MMP9: variants seen among roughly 807,000 people sequenced by gnomAD.
MMP9 encodes matrix metalloproteinase-9.
A neutral mutation model predicts 76.4 loss-of-function variants in MMP9; 73 were observed. The ratio of observed to expected loss-of-function variants is 0.96; its 90% CI spans 0.79 to 1.16. The LOEUF is 1.16. MMP9 is among the 50% of genes most tolerant of loss of function. The pLI, the probability that MMP9 is intolerant of heterozygous loss-of-function variation, is 0.00. For missense variants in MMP9, 943 were observed against 973.0 expected (o/e 0.97, Z 0.41); for synonymous variants, 412 against 408.4 (o/e 1.01, Z -0.11).
chr20:46,013,689 G>A lies in MMP9; in HGVS notation c.1643G>A (p.Ser548Asn). 6.2e-7 allele frequency: 1 copy of A among 1,613,952 alleles called. No homozygotes were observed. Among genetic ancestry groups the A allele is most frequent in the Non-Finnish European group, 8.5e-7 (1 of 1,179,966 alleles). ...KYWRFSEGRG[S>N]RPQGPFLIAD... ...TGGCGATTCTCTGAGGGCAGGGGGA[G>A]CCGGCCGCAGGGCCCCTTCCTTATC... Residue 548 changes from serine (S) to asparagine (N), a missense_variant, in exon 10 of 13, where the codon AGC becomes AAC. Coordinates refer to ENST00000372330, the MANE Select transcript of MMP9 (RefSeq NM_004994.3). The surrounding 1 kb of genome is among the most constrained non-coding windows in gnomAD (Gnocchi z 4.5).
intron 10 of MMP9, 78 bp from the exon 11 acceptor site, chr20:46,014,046 C>G: frequency 6.6e-7 from 1 of 1,526,714 alleles, no homozygotes; most frequent in Middle Eastern, 2.3e-4. Context: ...AAGGCCTCGC[C>G]GGAATCTCCC....
chr20:46,011,590 C>T lies in MMP9; in HGVS notation c.840C>T (p.Asp280=), dbSNP rs45437897. Residue 280 remains aspartate, a synonymous_variant, in exon 6 of 13, where the codon GAC becomes GAT. Transcript: ENST00000372330. ...TCGCCCCAGGACTCTACACCCAGGACGGCAATGCTGATGGGAAACCCTGCC... is the reference window on the plus strand; with the variant it reads ...TCGCCCCAGGACTCTACACCCAGGATGGCAATGCTGATGGGAAACCCTGCC... ...FCPSERLYTQ[D]GNADGKPCQF... 8.9e-4 allele frequency: 1,441 copies of T among 1,613,202 alleles called. 19 individuals are homozygous for T. In the East Asian group the frequency reaches 0.024, roughly 27 times the overall value.
At chr20:46,010,341 A>AAAAAAAAAAAAAAATT in intron 2 of MMP9, 142 bp from the exon 3 acceptor site, 1 of 916,636 alleles carries the variant, frequency 1.1e-6, no homozygotes, top group Non-Finnish European at 1.7e-6. Context: ...AAAAAAAAAA[A>AAAAAAAAAAAAAAATT]CAGTCTGGAA....
intron 5 of MMP9, 90 bp from the exon 6 acceptor site, chr20:46,011,484 C>A: frequency 6.3e-7 from 1 of 1,575,938 alleles, no homozygotes; most frequent in Non-Finnish European, 8.7e-7. Context: ...GAACTGCAGA[C>A]CATCCATGGG....
chr20:46,011,551 T>G, intron 5 of MMP9, 23 bp from the exon 6 acceptor site: 1 of 1,613,970 alleles, frequency 6.2e-7, no homozygotes, highest in Non-Finnish European at 8.5e-7. Context: ...TTCTCCCCCT[T>G]TCCCACATCC....
rs1194827897 is a variant in MMP9, at chr20:46,013,770, T to C, written c.1724T>C (p.Leu575Pro). 1 of 1,613,158 alleles carries C rather than the reference T, an allele frequency of 6.2e-7. No individual in the cohort carries two copies. Among genetic ancestry groups the C allele is most frequent in the Admixed American group, 1.7e-5 (1 of 60,028 alleles). Residue 575 changes from leucine to proline, a missense_variant, in exon 10 of 13, where the codon CTC (leucine) becomes CCC (proline). Physicochemically the swap from Leu to Pro is moderately conservative, Grantham distance 98. Coordinates refer to ENST00000372330, the MANE Select transcript of MMP9 (RefSeq NM_004994.3). This position sits in a 1 kb window ranked among gnomAD's most constrained non-coding sequence, Gnocchi z 4.5. ...CTGGACTCGGTCTTTGAGGAGCGGC[T>C]CTCCAAGAAGCTTTTCTTCTTCTCT... ...RKLDSVFEER[L>P]SKKLFFFSGR...
chr20:46,016,134 A>G, intron 12 of MMP9, 116 bp from the exon 13 acceptor site: 1 of 1,041,838 alleles, frequency 9.6e-7, no homozygotes, highest in East Asian at 2.4e-5. Flanking sequence ...GTGATATGTG[A>G]AAACCTTAGA....
chr20:46,010,720 G>A (rs2084273267), intron 3 of MMP9, 89 bp downstream of exon 3: 1 of 1,547,674 alleles, frequency 6.5e-7, no homozygotes, highest in Admixed American at 2.0e-5. Flanking sequence ...CAGTGGCCCC[G>A]GCTTCCTCTT....
At chr20:46,015,436 CTTTT>C (rs996907608) in intron 12 of MMP9, among the ~76,000 whole-genome samples, 1 of 145,774 alleles carries the variant, frequency 6.9e-6, no homozygotes. Context: ...TCTATATTTT[CTTTT>C]TTTTTCTTTT....
Position 46,010,333 on chromosome 20 carries a change from A to AAAACAAAAAAAAAAAAAAAC in MMP9, c.372-147_372-146insCAAAAAAAAAAAAAAACAAA, listed in dbSNP as rs2084270115. On this transcript the variant is annotated intron_variant, in intron 2 of 12. Coordinates refer to ENST00000372330, the MANE Select transcript of MMP9 (RefSeq NM_004994.3). The stretch of plus-strand genomic sequence containing the variant: ...GGGTCTAAGTAGACAAAAAAAAAAA[A>AAAACAAAAAAAAAAAAAAAC]AAAAAAAACAGTCTGGAAGCAATTT... The AAAACAAAAAAAAAAAAAAAC allele has an allele frequency of 1.2e-4, 100 of 828,892 alleles. 7 individuals are homozygous for AAAACAAAAAAAAAAAAAAAC. The African/African-American group carries it at 1.9e-3, about 16-fold the overall frequency. The allele number at this position is 828,892 out of a possible 1,614,324, so 51.3% of individuals were successfully genotyped here. A position where few individuals can be genotyped will look rare whatever the true frequency, so the allele number is the denominator to read the frequency against.
chr20:46,014,123 G>A lies in MMP9; in HGVS notation c.1751-1G>A, dbSNP rs1240084039. ...ACCGACGTGACCCTCCTCCCCTGCA[G>A]GGCGCCAGGTGTGGGTGTACACAGG... On this transcript the variant is annotated splice_acceptor_variant, in intron 10 of 12. Coordinates refer to ENST00000372330, the MANE Select transcript of MMP9 (RefSeq NM_004994.3). LOFTEE classifies it high-confidence loss of function. 2.0e-6 allele frequency: 3 copies of A among 1,535,006 alleles called. No homozygotes were observed. Among genetic ancestry groups the A allele is most frequent in the Non-Finnish European group, 2.6e-6 (3 of 1,146,630 alleles).
At position 46,010,027 on chromosome 20, in the gene MMP9, G is replaced by A. The variant is rs1381551822; in HGVS notation, c.300G>A (p.Gly100=). Reference sequence around the variant, plus strand: ...AGGCCATGCGAACCCCACGGTGCGGGGTCCCAGACCTGGGCAGATTCCAAA... The same window carrying A: ...AGGCCATGCGAACCCCACGGTGCGGAGTCCCAGACCTGGGCAGATTCCAAA... ...TLKAMRTPRC[G]VPDLGRFQTF... Residue 100 remains glycine, a synonymous_variant, in exon 2 of 13, where the codon GGG becomes GGA. Coordinates refer to ENST00000372330, the MANE Select transcript of MMP9 (RefSeq NM_004994.3). 5 of 1,551,452 alleles carry A rather than the reference G, an allele frequency of 3.2e-6. No individual in the cohort carries two copies.
intron 6 of MMP9, 111 bp downstream of exon 6, chr20:46,011,858 AG>A: frequency 7.4e-7 from 1 of 1,357,824 alleles, no homozygotes; most frequent in Non-Finnish European, 1.0e-6. Flanking sequence ...ATTGGTCCTC[AG>A]GACGACCGTG....
chr20:46,010,894 C>T (rs1027556000), intron 3 of MMP9, 28 bp from the exon 4 acceptor site: 3 of 1,614,114 alleles, frequency 1.9e-6, no homozygotes, highest in African/African-American at 2.7e-5. Context: ...ACTCGGCTAA[C>T]CCTCTTCCTC....
intron 10 of MMP9, 74 bp from the exon 11 acceptor site, chr20:46,014,050 A>C (rs2084302965): frequency 4.6e-6 from 7 of 1,525,882 alleles, no homozygotes; most frequent in African/African-American, 2.7e-5. Flanking sequence ...CCTCGCCGGA[A>C]TCTCCCTCCT....
intron 8 of MMP9, among the ~76,000 whole-genome samples, chr20:46,012,791 T>C (rs2084292058): frequency 6.6e-6 from 1 of 152,132 alleles, no homozygotes; most frequent in Admixed American, 6.5e-5. Flanking sequence ...GAGATAGGTG[T>C]GACTTCAAAA....
chr20:46,011,677 C>T lies in MMP9; in HGVS notation c.927C>T (p.Asp309=). Residue 309 remains aspartate, a synonymous_variant, in exon 6 of 13, where the codon GAC becomes GAT. Transcript: ENST00000372330. The part of the protein sequence containing the change: ...YSACTTDGRS[D]GYRWCATTAN... ...CCTGCACCACGGACGGTCGCTCCGA[C>T]GGCTACCGCTGGTGCGCCACCACCG... is the stretch of plus-strand genomic sequence containing the variant. The T allele has an allele frequency of 2.5e-6, 4 of 1,614,080 alleles. No individual in the cohort carries two copies. Among genetic ancestry groups the T allele is most frequent in the Non-Finnish European group, 3.4e-6 (4 of 1,180,042 alleles).
In MMP9 at chr20:46,013,935, G is replaced by C; in HGVS notation, c.1750+139G>C. ...TGGCGGACGCAGTTTAGCAAACGTA[G>C]GGGCGGCTGAGTTTCTGCCCCCTCC... On this transcript the variant is annotated intron_variant, in intron 10 of 12. Coordinates refer to ENST00000372330, the MANE Select transcript of MMP9 (RefSeq NM_004994.3). This position sits in a 1 kb window ranked among gnomAD's most constrained non-coding sequence, Gnocchi z 4.5. 1 of 1,430,914 alleles carries C rather than the reference G, an allele frequency of 7.0e-7. No homozygotes were observed. The highest frequency in any genetic ancestry group is 9.5e-7 in the Non-Finnish European group (1 of 1,053,442). The allele number at this position is 1,430,914 out of a possible 1,614,324, so 88.6% of individuals were successfully genotyped here.
chr20:46,013,018 G>C lies in MMP9; in HGVS notation c.1331-237G>C, dbSNP rs879067913. Among the ~76,000 whole-genome samples, 5 of 152,308 alleles carry C rather than the reference G, an allele frequency of 3.3e-5. No individual in the cohort carries two copies. The South Asian group carries it at 1.0e-3, about 32-fold the overall frequency. On this transcript the variant is annotated intron_variant, in intron 8 of 12. Coordinates refer to ENST00000372330, the MANE Select transcript of MMP9 (RefSeq NM_004994.3). The surrounding 1 kb of genome is among the most constrained non-coding windows in gnomAD (Gnocchi z 4.5). Reference sequence around the variant, plus strand: ...AGGTGGGAGGATCTCTTGAGCCCAGGAGTTCGAGGCTGTAGTGAGCTATGA... The same window carrying C: ...AGGTGGGAGGATCTCTTGAGCCCAGCAGTTCGAGGCTGTAGTGAGCTATGA...
Sources: allele counts gnomAD v4.1 joint callset (sites outside exome capture counted in the v4.1 genomes callset), GRCh38; gene constraint gnomAD v4.1.1; non-coding constraint Gnocchi (gnomAD v3.1); transcripts MANE v1.5; gene names NCBI Gene and HGNC (gene_info 2026-07-23, HGNC 2026-07-21).